ACAA2: variants seen among roughly 807,000 people sequenced by gnomAD.
The protein encoded by ACAA2 is acetyl-CoA acyltransferase 2.
ACAA2 carries 35 observed loss-of-function variants against 44.8 expected under a neutral mutation model. The observed-to-expected ratio is 0.78, with a 90% CI of 0.60 to 1.04. The LOEUF is 1.04. Among genes scored for constraint, ACAA2 ranks in the 50% least tolerant of loss-of-function variants. ACAA2 has a pLI of 0.00. For missense variants in ACAA2, 468 were observed against 482.6 expected, an observed-to-expected ratio of 0.97 and a Z score of 0.28; for synonymous variants, 142 against 166.5, an observed-to-expected ratio of 0.85 and a Z score of 1.13.
chr18:49,789,951 CAAAAACA>C (rs1015121669), intron 7 of ACAA2, among the ~76,000 whole-genome samples: 13 of 150,382 alleles, frequency 8.6e-5, no homozygotes, highest in Non-Finnish European at 1.6e-4. Flanking sequence ...GACTCTGTGT[CAAAAACA>C]AAAAACAAAA....
chr18:49,802,577 AG>A, intron 2 of ACAA2, 109 bp downstream of exon 2: 3 of 1,095,026 alleles, frequency 2.7e-6, no homozygotes, highest in South Asian at 2.2e-5. Flanking sequence ...AAAAAAAAAA[AG>A]TCTATAACTA....
chr18:49,812,832 C>T (rs1402882552), intron 1 of ACAA2: 1 of 152,208 alleles, frequency 6.6e-6, no homozygotes, highest in Non-Finnish European at 1.5e-5. Flanking sequence ...CCTCAATGTT[C>T]TTCGACTCGT....
chr18:49,800,354 T>C (rs899044785), intron 2 of ACAA2, among the ~76,000 whole-genome samples: 1 of 149,934 alleles, frequency 6.7e-6, no homozygotes, highest in African/African-American at 2.5e-5. Context: ...TACTGGGAAG[T>C]GAGGAGCCCC....
intron 1 of ACAA2, 128 bp from the exon 2 acceptor site, chr18:49,802,981 A>C (rs999597560): frequency 1.8e-6 from 2 of 1,088,086 alleles, no homozygotes; most frequent in Admixed American, 1.7e-5. Context: ...TTAGGCAATA[A>C]TACCTAGAAC....
At chr18:49,792,714 G>A (rs2023418458) in intron 5 of ACAA2, among the ~76,000 whole-genome samples, 1 of 152,136 alleles carries the variant, frequency 6.6e-6, no homozygotes, top group Admixed American at 6.5e-5. Context: ...CCAAAGTGCT[G>A]GGATTACAGA....
At chr18:49,789,814 TCTCTGCTAAA>T (rs1369633735) in intron 7 of ACAA2, among the ~76,000 whole-genome samples, 3 of 152,044 alleles carry the variant, frequency 2.0e-5, no homozygotes, top group Non-Finnish European at 2.9e-5. Flanking sequence ...AAAAACCCTG[TCTCTGCTAAA>T]AATACAAAAA....
chr18:49,787,654 A>AAAAAT (rs1228925839), intron 7 of ACAA2, among the ~76,000 whole-genome samples: 3 of 152,172 alleles, frequency 2.0e-5, no homozygotes, highest in South Asian at 2.1e-4. Context: ...AAAAAAGAAA[A>AAAAAT]AAAATAATAA....
rs778689314 is a variant in ACAA2, at chr18:49,802,814, G to T, written c.56C>A (p.Ala19Asp). The change falls in exon 2 of 10, where the codon GCT (alanine) becomes GAT (aspartate). Residue 19 changes from alanine to aspartate, a missense_variant. Coordinates refer to ENST00000285093, the MANE Select transcript of ACAA2 (RefSeq NM_006111.3). ...VVAAKRTPFG[A>D]YGGLLKDFTA... ...GAAGTCTTTCAGAAGGCCTCCGTAAGCTCCAAAGGGCGTTCGCTTAGCAGC... is the reference window on the plus strand; with the variant it reads ...GAAGTCTTTCAGAAGGCCTCCGTAATCTCCAAAGGGCGTTCGCTTAGCAGC... 1 of 1,614,122 alleles carries T rather than the reference G, an allele frequency of 6.2e-7. No individual in the cohort carries two copies. The highest frequency in any genetic ancestry group is 1.1e-5 in the South Asian group (1 of 91,082).
chr18:49,798,529 T>A (rs1256804695), intron 2 of ACAA2, among the ~76,000 whole-genome samples: 1 of 151,700 alleles, frequency 6.6e-6, no homozygotes, highest in Non-Finnish European at 1.5e-5. Flanking sequence ...TTTTGGAGGC[T>A]GTTAGCAAGA....
rs184614728 is a variant in ACAA2 at position 49,790,465 on chromosome 18, C to T, written c.883+1005G>A. On this transcript the variant is annotated intron_variant, in intron 7 of 9. Transcript: ENST00000285093. ...TCAGTAACAGGTTATCCTCCTCCTC[C>T]TCTCTTGGAACCCACCTCAGAAAAC... Among the ~76,000 whole-genome samples, 43 of 152,292 alleles carry T rather than the reference C, an allele frequency of 2.8e-4. No individual in the cohort carries two copies. The East Asian group carries it at 7.3e-3, about 26-fold the overall frequency.
chr18:49,783,927 G>T lies in ACAA2; in HGVS notation c.1114C>A (p.Arg372=), dbSNP rs367838195. ...GATCCAACGGCATATTTTCCACCTC[G>T]ACGCCTGAAAAAGAAAGCAGTGACT... ...TAHLVHELRR[R]GGKYAVGSAC... Residue 372 remains arginine, a synonymous_variant, in exon 10 of 10, where the codon CGA becomes AGA. Coordinates refer to ENST00000285093, the MANE Select transcript of ACAA2 (RefSeq NM_006111.3). The T allele has an allele frequency of 3.7e-6, 6 of 1,613,620 alleles. No individual in the cohort carries two copies. The African/African-American group carries it at 8.0e-5, about 22-fold the overall frequency.
intron 9 of ACAA2, among the ~76,000 whole-genome samples, chr18:49,784,199 T>C (rs1043717400): frequency 6.6e-6 from 1 of 152,122 alleles, no homozygotes; most frequent in African/African-American, 2.4e-5. Context: ...TTTAGGGTTA[T>C]AGAGTAGATT....
intron 1 of ACAA2, chr18:49,812,864 A>G (rs2023686578): frequency 6.6e-6 from 1 of 150,810 alleles, no homozygotes; most frequent in Non-Finnish European, 1.5e-5. Flanking sequence ...GTAAGATTCC[A>G]TTGACTGTGC....
At chr18:49,800,567 C>T (rs1446520257) in intron 2 of ACAA2, among the ~76,000 whole-genome samples, 1 of 152,136 alleles carries the variant, frequency 6.6e-6, no homozygotes, top group Non-Finnish European at 1.5e-5. Context: ...AATTCTTCTG[C>T]CTTGGGATCC....
chr18:49,795,990 GT>G, intron 3 of ACAA2, 109 bp from the exon 4 acceptor site: 1 of 651,892 alleles, frequency 1.5e-6, no homozygotes. Flanking sequence ...ATATTGTACT[GT>G]AGCTTACAGT....
rs763159504 is a variant in ACAA2, at chr18:49,806,180, T to C, written c.17-3327A>G. Reference sequence around the variant, plus strand: ...TAACTTGAAGACTAACAGTCCATGATGCATGGAATGGCTAGAACTCAGAAA... The same window carrying C: ...TAACTTGAAGACTAACAGTCCATGACGCATGGAATGGCTAGAACTCAGAAA... On this transcript the variant is annotated intron_variant, in intron 1 of 9. Transcript: ENST00000285093. Among the ~76,000 whole-genome samples, 3 of 152,182 alleles carry C rather than the reference T, an allele frequency of 2.0e-5. No individual in the cohort carries two copies. The East Asian group carries it at 5.8e-4, about 29-fold the overall frequency.
At chr18:49,805,193 T>G (rs186459787) in intron 1 of ACAA2, among the ~76,000 whole-genome samples, 1 of 152,350 alleles carries the variant, frequency 6.6e-6, no homozygotes, top group East Asian at 1.9e-4. Context: ...GATCTACAAA[T>G]GAGACTATTC....
chr18:49,805,134 T>C (rs1424680011), intron 1 of ACAA2, among the ~76,000 whole-genome samples: 1 of 152,216 alleles, frequency 6.6e-6, no homozygotes, highest in Non-Finnish European at 1.5e-5. Context: ...TTTCCACATC[T>C]TGTCAAGAAA....
chr18:49,783,256 T>A lies in ACAA2; in HGVS notation c.*591A>T, dbSNP rs1008878542. Reference sequence around the variant, plus strand: ...ATGAGGTACCTCGAGTCATCAAATTTATAGAAACAAAATACACTGGTGGTT... The same window carrying A: ...ATGAGGTACCTCGAGTCATCAAATTAATAGAAACAAAATACACTGGTGGTT... On this transcript the variant is annotated 3_prime_UTR_variant, in exon 10 of 10. Coordinates refer to ENST00000285093, the MANE Select transcript of ACAA2 (RefSeq NM_006111.3). 1 of 152,306 alleles carries A rather than the reference T, an allele frequency of 6.6e-6. No individual in the cohort carries two copies. The highest frequency in any genetic ancestry group is 2.4e-5 in the African/African-American group (1 of 41,456). The allele number at this position is 152,306 out of a possible 1,614,324, so 9.4% of individuals were successfully genotyped here. A position where few individuals can be genotyped will look rare whatever the true frequency, so the allele number is the denominator to read the frequency against.
Sources: gnomAD v4.1 joint callset for allele counts (sites outside exome capture counted in the v4.1 genomes callset) on GRCh38, gnomAD v4.1.1 for gene constraint, MANE v1.5 for transcripts, NCBI Gene and HGNC (gene_info 2026-07-23, HGNC 2026-07-21) for gene names.